KLKB1: variants seen among roughly 807,000 people sequenced by gnomAD.
The protein encoded by KLKB1 is plasma kallikrein.
A neutral mutation model predicts 73.6 loss-of-function variants in KLKB1; 58 were observed. The observed-to-expected ratio is 0.79, with a 90% CI of 0.64 to 0.98. The LOEUF is 0.98. KLKB1 is among the 50% of genes least tolerant of loss of function. The pLI is 0.00. For synonymous variants in KLKB1, 280 were observed against 258.1 expected (o/e 1.08, Z -0.81); for missense variants, 737 against 763.8 (o/e 0.96, Z 0.41).
rs372780412 is a variant in KLKB1, at chr4:186,256,129, A to G, written c.1585+42A>G. On this transcript the variant is annotated intron_variant, in intron 13 of 14. Transcript: ENST00000264690. Reference sequence around the variant, plus strand: ...AAATATTGCTTCTAGAGTAAGTCTCACATGTTGAAATACATGGAGTGGGTC... The same window carrying G: ...AAATATTGCTTCTAGAGTAAGTCTCGCATGTTGAAATACATGGAGTGGGTC... The G allele has an allele frequency of 4.0e-5, 50 of 1,265,572 alleles. No homozygotes were observed. The African/African-American group carries it at 6.5e-4, about 16-fold the overall frequency. 78.4% of individuals were successfully genotyped at this position (1,265,572 alleles called of 1,614,324 possible).
In KLKB1 at chr4:186,239,496, C is replaced by T. The variant is rs1425365201; in HGVS notation, c.598+1131C>T. Among the ~76,000 whole-genome samples, 2 of 133,894 alleles carry T rather than the reference C, an allele frequency of 1.5e-5. 1 individual carries two copies. Among genetic ancestry groups the T allele is most frequent in the South Asian group, 5.4e-4 (2 of 3,718 alleles). The allele number at this position is 133,894 out of a possible 152,430, so 87.8% of individuals were successfully genotyped here. A position where few individuals can be genotyped will look rare whatever the true frequency, so the allele number is the denominator to read the frequency against. On this transcript the variant is annotated intron_variant, in intron 6 of 14. Coordinates refer to ENST00000264690, the MANE Select transcript of KLKB1 (RefSeq NM_000892.5). ...GTTATAGGAAACTAGTACAGTGATA[C>T]TGTTATAGGTACAGTGATATAGGAC...
Position 186,252,200 on chromosome 4 carries a change from C to T in KLKB1, c.1313+15C>T, listed in dbSNP as rs1738720387. 1 of 1,609,808 alleles carries T rather than the reference C, an allele frequency of 6.2e-7. No homozygotes were observed. The highest frequency in any genetic ancestry group is 1.3e-5 in the African/African-American group (1 of 74,860). ...TGCTTTGATGGGTAAGTGTTGGATG[C>T]ATCTCATCCAGAGTCTTATCTTGGC... is the stretch of plus-strand genomic sequence containing the variant. On this transcript the variant is annotated intron_variant, in intron 11 of 14. Coordinates refer to ENST00000264690, the MANE Select transcript of KLKB1 (RefSeq NM_000892.5).
upstream of KLKB1, among the ~76,000 whole-genome samples, chr4:186,223,333 A>G (rs1381153528): frequency 3.3e-5 from 5 of 152,234 alleles, no homozygotes; most frequent in African/African-American, 1.2e-4. Context: ...AGGTTGGAAC[A>G]GTTTGGAGGG....
At chr4:186,223,855 G>A (rs1366729317), upstream of KLKB1, among the ~76,000 whole-genome samples, 1 of 152,166 alleles carries the variant, frequency 6.6e-6, no homozygotes, top group Non-Finnish European at 1.5e-5. Context: ...GCCAAACAAT[G>A]GGGAAATGTC....
At chr4:186,234,183 C>T in intron 4 of KLKB1, 125 bp downstream of exon 4, 1 of 741,798 alleles carries the variant, frequency 1.3e-6, no homozygotes, top group Non-Finnish European at 2.4e-6. Flanking sequence ...GGAGATGGGG[C>T]AGTATTCTGG....
chr4:186,246,780 C>A (rs1025092113), intron 6 of KLKB1, among the ~76,000 whole-genome samples: 1 of 152,116 alleles, frequency 6.6e-6, no homozygotes, highest in Non-Finnish European at 1.5e-5. Context: ...GGTGAAGGAT[C>A]AAGGCAGGCA....
At chr4:186,237,192 G>A (rs768436289) in intron 5 of KLKB1, among the ~76,000 whole-genome samples, 6 of 152,016 alleles carry the variant, frequency 3.9e-5, no homozygotes, top group Admixed American at 1.3e-4. Flanking sequence ...TCCGCTTCCC[G>A]GGTTCAAGCG....
chr4:186,255,244 G>C (rs1428259973), intron 12 of KLKB1, among the ~76,000 whole-genome samples: 1 of 152,162 alleles, frequency 6.6e-6, no homozygotes, highest in Non-Finnish European at 1.5e-5. Context: ...ATTGCTGCCA[G>C]GAGCCGAATA....
chr4:186,248,871 A>C (rs1250537870), intron 6 of KLKB1, among the ~76,000 whole-genome samples: 3 of 152,214 alleles, frequency 2.0e-5, no homozygotes, highest in Non-Finnish European at 2.9e-5. Context: ...CTTTCTAGGC[A>C]GTGTGAAGTG....
chr4:186,257,561 CTA>C, intron 14 of KLKB1, among the ~76,000 whole-genome samples, 196 bp downstream of exon 14: 1 of 152,074 alleles, frequency 6.6e-6, no homozygotes, highest in South Asian at 2.1e-4. Context: ...ATGTCACAAT[CTA>C]TGCATGTGCT....
chr4:186,217,969 G>C (rs758557830), intron 2 of KLKB1, among the ~76,000 whole-genome samples: 1 of 152,194 alleles, frequency 6.6e-6, no homozygotes, highest in Non-Finnish European at 1.5e-5. Flanking sequence ...TGTAGAGTCA[G>C]ATAGTAAATC....
intron 6 of KLKB1, among the ~76,000 whole-genome samples, chr4:186,242,402 G>T (rs1197660863): frequency 6.6e-6 from 1 of 152,116 alleles, no homozygotes; most frequent in African/African-American, 2.4e-5. Context: ...TTTGGGGGTG[G>T]TATGGAGAGA....
chr4:186,230,654 A>T (rs1464303347), intron 2 of KLKB1, among the ~76,000 whole-genome samples: 1 of 152,200 alleles, frequency 6.6e-6, no homozygotes, highest in Non-Finnish European at 1.5e-5. Flanking sequence ...CCATTCAGCA[A>T]CAAAATTGGT....
At chr4:186,245,828 T>TTTTTTTTTTTTTTTTTTC in intron 6 of KLKB1, among the ~76,000 whole-genome samples, 1 of 135,432 alleles carries the variant, frequency 7.4e-6, no homozygotes, top group Non-Finnish European at 1.7e-5. Flanking sequence ...TTTTTGGTTT[T>TTTTTTTTTTTTTTTTTTC]TTTTTTTTAA....
intron 7 of KLKB1, 122 bp from the exon 8 acceptor site, chr4:186,251,097 G>A: frequency 1.5e-6 from 1 of 675,910 alleles, no homozygotes; most frequent in South Asian, 1.7e-5. Context: ...ACTTTGAAGA[G>A]AGTTTCCCAG....
chr4:186,254,857 C>A, intron 12 of KLKB1, 94 bp downstream of exon 12: 2 of 1,163,356 alleles, frequency 1.7e-6, no homozygotes, highest in Non-Finnish European at 2.5e-6. Flanking sequence ...GAGAGACTGT[C>A]GTCGTTTTCT....
At chr4:186,229,792 C>G (rs767330638) in intron 2 of KLKB1, among the ~76,000 whole-genome samples, 28 of 152,174 alleles carry the variant, frequency 1.8e-4, no homozygotes, top group Non-Finnish European at 3.5e-4. Flanking sequence ...GAGCTACTGC[C>G]TCTCAGTTTT....
At chr4:186,255,849 C>A in intron 12 of KLKB1, 143 bp from the exon 13 acceptor site, 1 of 653,736 alleles carries the variant, frequency 1.5e-6, no homozygotes, top group Admixed American at 2.5e-5. Context: ...GAATCATTAG[C>A]CTTAGAGGTT....
At chr4:186,226,361 G>A (rs1233010758), upstream of KLKB1, 2 of 152,208 alleles carry the variant, frequency 1.3e-5, no homozygotes, top group African/African-American at 4.8e-5. Flanking sequence ...TTGCACTGAA[G>A]TAGGCACCTA....
Sources: gnomAD v4.1 joint callset for allele counts (sites outside exome capture counted in the v4.1 genomes callset) on GRCh38, gnomAD v4.1.1 for gene constraint, MANE v1.5 for transcripts, NCBI Gene and HGNC (gene_info 2026-07-23, HGNC 2026-07-21) for gene names.